The following ABAT variants were observed in gnomAD, a reference collection of about 807,000 sequenced individuals.
ABAT encodes 4-aminobutyrate aminotransferase, mitochondrial.
In ABAT, 45 loss-of-function variants were observed where a neutral mutation model predicts 64.6. That is an observed-to-expected ratio of 0.70 (90% CI 0.55 to 0.89). The LOEUF (loss-of-function observed/expected upper bound fraction) is 0.89, where lower values mean the gene tolerates loss of function less well. Ranked by LOEUF, ABAT falls within the 40% of genes least tolerant of loss-of-function variation. The pLI, the probability that ABAT is intolerant of heterozygous loss-of-function variation, is 0.00. For synonymous variants in ABAT, 297 were observed against 250.5 expected (o/e 1.19, Z -1.75); for missense variants, 633 against 658.4 (o/e 0.96, Z 0.42).
At chr16:8,679,989 A>C (rs1019306323) in intron 1 of ABAT, among the ~76,000 whole-genome samples, 1 of 152,004 alleles carries the variant, frequency 6.6e-6, no homozygotes, top group African/African-American at 2.4e-5. Context: ...CTAATTACAC[A>C]TCCCTTCAAT....
rs966657877 is a variant in ABAT at position 8,781,380 on chromosome 16, G to A, written c.1453G>A (p.Ala485Thr). ...CACGCTGGTCTTCAGGGATCACCAC[G>A]CTCACCTGTTCCTCAATATTTTCAG... ...RPTLVFRDHH[A>T]HLFLNIFSDI... Residue 485 changes from alanine to threonine, a missense_variant, in exon 16 of 16, where the codon GCT (alanine) becomes ACT (threonine). Physicochemically the swap from Ala to Thr is moderately conservative, Grantham distance 58 (BLOSUM62 0). Transcript: ENST00000268251. This position sits in a 1 kb window ranked among gnomAD's most constrained non-coding sequence, Gnocchi z 4.5. 3.1e-6 allele frequency: 5 copies of A among 1,614,026 alleles called. No individual in the cohort carries two copies. Among genetic ancestry groups the A allele is most frequent in the African/African-American group, 1.3e-5 (1 of 74,898 alleles).
At chr16:8,775,228 C>T (rs1460400238) in intron 13 of ABAT, among the ~76,000 whole-genome samples, 171 bp downstream of exon 13, 1 of 151,880 alleles carries the variant, frequency 6.6e-6, no homozygotes. Flanking sequence ...CCTCCCAGCT[C>T]TCTCTGTAAG....
chr16:8,779,345 C>T (rs1596474366), intron 14 of ABAT, 134 bp from the exon 15 acceptor site: 1 of 736,584 alleles, frequency 1.4e-6, no homozygotes, highest in East Asian at 2.7e-5. Context: ...AGCTCTTAAC[C>T]CCCTGGAGGT....
intron 5 of ABAT, among the ~76,000 whole-genome samples, chr16:8,755,323 C>T (rs79689771): frequency 0.036 from 5,490 of 152,212 alleles, 144 homozygotes; most frequent in Non-Finnish European, 0.055. Context: ...GGACAGGGGA[C>T]TCTGTGTAGG....
At chr16:8,780,736 C>T (rs2060409316) in intron 15 of ABAT, 1 of 188,842 alleles carries the variant, frequency 5.3e-6, no homozygotes, top group Non-Finnish European at 1.1e-5. Flanking sequence ...GCACCCCAGC[C>T]TGGGTGACAG....
intron 13 of ABAT, among the ~76,000 whole-genome samples, chr16:8,775,943 C>T (rs1211025045): frequency 6.6e-6 from 1 of 152,182 alleles, no homozygotes; most frequent in African/African-American, 2.4e-5. Context: ...GTCCCAACTC[C>T]ATCTGTAAGT....
chr16:8,715,644 A>AC (rs2058194993), intron 1 of ABAT: 1 of 143,178 alleles, frequency 7.0e-6, no homozygotes, highest in Admixed American at 7.0e-5. Context: ...AAAAAAAAAA[A>AC]AAAAAAAAAA....
At chr16:8,749,386 C>CCTTT (rs2059416157) in intron 4 of ABAT, among the ~76,000 whole-genome samples, 1 of 31,980 alleles carries the variant, frequency 3.1e-5, no homozygotes, top group Non-Finnish European at 5.5e-5. Context: ...CGCACCCGGC[C>CCTTT]TTTTTTTTTT....
At chr16:8,686,305 G>C (rs1006070308) in intron 1 of ABAT, among the ~76,000 whole-genome samples, 1 of 152,220 alleles carries the variant, frequency 6.6e-6, no homozygotes, top group Non-Finnish European at 1.5e-5. Context: ...CCAGCCCTAA[G>C]TGTCCAGTCC....
chr16:8,729,753 G>T (rs2058664203), intron 1 of ABAT, among the ~76,000 whole-genome samples: 1 of 151,144 alleles, frequency 6.6e-6, no homozygotes, highest in Non-Finnish European at 1.5e-5. Context: ...CTTGAGCCCA[G>T]GAGTTCAAGG....
At chr16:8,744,255 G>A (rs961548665) in intron 2 of ABAT, among the ~76,000 whole-genome samples, 1 of 152,142 alleles carries the variant, frequency 6.6e-6, no homozygotes, top group Non-Finnish European at 1.5e-5. Flanking sequence ...GCTGGCATGT[G>A]CTCAGCTTCT....
Position 8,768,988 on chromosome 16 carries a change from C to T in ABAT, c.816+15C>T. 1 of 1,613,932 alleles carries T rather than the reference C, an allele frequency of 6.2e-7. No individual in the cohort carries two copies. Among genetic ancestry groups the T allele is most frequent in the Non-Finnish European group, 8.5e-7 (1 of 1,179,924 alleles). ...GTCTGGAAGAGGTAATGCTCATACCCTGCGGATCCTCCCCAACCACCAGTC... is the reference window on the plus strand; with the variant it reads ...GTCTGGAAGAGGTAATGCTCATACCTTGCGGATCCTCCCCAACCACCAGTC... On this transcript the variant is annotated intron_variant, in intron 11 of 15. Coordinates refer to ENST00000268251, the MANE Select transcript of ABAT (RefSeq NM_020686.6).
chr16:8,742,865 CAAAA>C (rs71152927), intron 2 of ABAT, among the ~76,000 whole-genome samples: 1 of 96,976 alleles, frequency 1.0e-5, no homozygotes, highest in Non-Finnish European at 2.0e-5. Context: ...GACCCTGTCT[CAAAA>C]AAAAAAAAAA....
chr16:8,706,585 G>A (rs1436365993), intron 1 of ABAT, among the ~76,000 whole-genome samples: 2 of 151,888 alleles, frequency 1.3e-5, no homozygotes, highest in Admixed American at 6.6e-5. Flanking sequence ...GTGGTGGCAC[G>A]CTCCTGTAAT....
intron 11 of ABAT, among the ~76,000 whole-genome samples, chr16:8,771,672 G>A (rs2060114643): frequency 6.6e-6 from 1 of 151,696 alleles, no homozygotes; most frequent in Non-Finnish European, 1.5e-5. Flanking sequence ...TTTCACCATG[G>A]TAGCCAGGCT....
chr16:8,740,592 C>T (rs2059136081), intron 2 of ABAT, among the ~76,000 whole-genome samples: 1 of 152,318 alleles, frequency 6.6e-6, no homozygotes, highest in East Asian at 1.9e-4. Flanking sequence ...TGCAGCCATA[C>T]CCACAGCATT....
At chr16:8,676,646 T>C (rs971474441) in intron 1 of ABAT, among the ~76,000 whole-genome samples, 24 of 152,322 alleles carry the variant, frequency 1.6e-4, no homozygotes, top group Admixed American at 1.3e-3. Flanking sequence ...TGACCCAGGA[T>C]AGCTAATAAG....
intron 5 of ABAT, among the ~76,000 whole-genome samples, chr16:8,755,765 T>C (rs887504679): frequency 6.7e-6 from 1 of 148,190 alleles, no homozygotes; most frequent in African/African-American, 2.4e-5. Context: ...ACAAAAAAAT[T>C]GTGGCTGGGT....
intron 6 of ABAT, among the ~76,000 whole-genome samples, chr16:8,762,666 C>T (rs533681186): frequency 2.7e-4 from 41 of 152,320 alleles, no homozygotes; most frequent in African/African-American, 9.4e-4. Context: ...TAGACCCAGA[C>T]GGCTGTCAAG....
Sources: allele counts gnomAD v4.1 joint callset (sites outside exome capture counted in the v4.1 genomes callset), GRCh38; gene constraint gnomAD v4.1.1; non-coding constraint Gnocchi (gnomAD v3.1); transcripts MANE v1.5; gene names NCBI Gene and HGNC (gene_info 2026-07-23, HGNC 2026-07-21).